Variants in ADK observed in about 807,000 individuals in gnomAD.
The protein encoded by ADK is N6,N6-dimethyladenosine kinase.
A neutral mutation model predicts 44.7 loss-of-function variants in ADK; 24 were observed. The ratio of observed to expected loss-of-function variants is 0.54; its 90% CI spans 0.39 to 0.76. The LOEUF (loss-of-function observed/expected upper bound fraction) is 0.76, where lower values mean the gene tolerates loss of function less well. Among genes scored for constraint, ADK ranks in the 30% least tolerant of loss-of-function variants. The pLI is 0.00. For missense variants in ADK, 321 were observed against 425.1 expected, an observed-to-expected ratio of 0.76 and a Z score of 2.15; for synonymous variants, 128 against 142.6, an observed-to-expected ratio of 0.90 and a Z score of 0.73.
chr10:74,591,120 T>TC (rs1851700847), intron 8 of ADK, among the ~76,000 whole-genome samples: 1 of 152,146 alleles, frequency 6.6e-6, no homozygotes, highest in Admixed American at 6.5e-5. Context: ...TACTTTTATT[T>TC]CCCCCTTGAG....
At chr10:74,399,226 G>T (rs1355356387) in intron 6 of ADK, among the ~76,000 whole-genome samples, 1 of 150,352 alleles carries the variant, frequency 6.7e-6, no homozygotes, top group Non-Finnish European at 1.5e-5. Context: ...TGTTAAATGT[G>T]GCTTTACACA....
intron 4 of ADK, among the ~76,000 whole-genome samples, chr10:74,360,528 C>G (rs1842299773): frequency 6.6e-6 from 1 of 152,084 alleles, no homozygotes; most frequent in East Asian, 1.9e-4. Flanking sequence ...TGCTCTTGCT[C>G]TTATGTATTC....
At chr10:74,523,215 T>G (rs897924638) in intron 6 of ADK, among the ~76,000 whole-genome samples, 6 of 152,192 alleles carry the variant, frequency 3.9e-5, no homozygotes, top group African/African-American at 1.4e-4. Flanking sequence ...GACACAATAA[T>G]TACTCATTAC....
At chr10:74,433,712 T>A (rs533926991) in intron 6 of ADK, among the ~76,000 whole-genome samples, 1 of 152,332 alleles carries the variant, frequency 6.6e-6, no homozygotes, top group Admixed American at 6.5e-5. Flanking sequence ...TATTTACCAA[T>A]GTTTACAGTT....
intron 1 of ADK, among the ~76,000 whole-genome samples, chr10:74,158,184 TA>T (rs890370395): frequency 1.3e-5 from 2 of 151,624 alleles, no homozygotes; most frequent in African/African-American, 2.4e-5. Flanking sequence ...TTATGAGGTT[TA>T]AAAAAAAACT....
chr10:74,382,098 C>T (rs946868556), intron 4 of ADK, among the ~76,000 whole-genome samples: 1 of 151,692 alleles, frequency 6.6e-6, no homozygotes, highest in African/African-American at 2.4e-5. Flanking sequence ...CTTTCCTCAC[C>T]TTCCTTTTTC....
intron 9 of ADK, among the ~76,000 whole-genome samples, chr10:74,640,021 A>G (rs1481270960): frequency 6.6e-6 from 1 of 152,254 alleles, no homozygotes; most frequent in Non-Finnish European, 1.5e-5. Context: ...ACAAACATAT[A>G]CATTCAGCAA....
intron 7 of ADK, among the ~76,000 whole-genome samples, chr10:74,534,770 A>G (rs1223479631): frequency 1.3e-5 from 2 of 152,212 alleles, no homozygotes; most frequent in African/African-American, 4.8e-5. Context: ...CTCTTCATTC[A>G]TTCCTGTTAA....
At chr10:74,292,819 C>T (rs1839668505) in intron 3 of ADK, among the ~76,000 whole-genome samples, 1 of 152,138 alleles carries the variant, frequency 6.6e-6, no homozygotes, top group South Asian at 2.1e-4. Flanking sequence ...CCACCATCAT[C>T]CTTTGCCTAG....
chr10:74,535,577 C>G (rs945890419), intron 7 of ADK, among the ~76,000 whole-genome samples: 2 of 150,158 alleles, frequency 1.3e-5, no homozygotes, highest in African/African-American at 5.0e-5. Context: ...AGGTTTTGAC[C>G]CTATTTTTTT....
chr10:74,454,978 A>T (rs542716719), intron 6 of ADK, among the ~76,000 whole-genome samples: 1 of 152,302 alleles, frequency 6.6e-6, no homozygotes, highest in African/African-American at 2.4e-5. Flanking sequence ...TTCTAGAGAA[A>T]AGGGCAGGGG....
At chr10:74,461,924 CT>C (rs1191605121) in intron 6 of ADK, among the ~76,000 whole-genome samples, 1 of 151,972 alleles carries the variant, frequency 6.6e-6, no homozygotes, top group Non-Finnish European at 1.5e-5. Flanking sequence ...TGAAATTATC[CT>C]GTTGCCTGAA....
At chr10:74,580,574 TAAAA>T (rs11289206) in intron 7 of ADK, among the ~76,000 whole-genome samples, 5 of 134,350 alleles carry the variant, frequency 3.7e-5, no homozygotes, top group Non-Finnish European at 3.3e-5. Flanking sequence ...AAACTCCATC[TAAAA>T]AAAAAAAAAA....
At chr10:74,264,629 G>A (rs1420842867) in intron 3 of ADK, among the ~76,000 whole-genome samples, 1 of 152,078 alleles carries the variant, frequency 6.6e-6, no homozygotes, top group Non-Finnish European at 1.5e-5. Context: ...GTTTTAAAAT[G>A]AAATGTAATC....
In ADK at chr10:74,551,028, A is replaced by G. The variant is rs370402500; in HGVS notation, c.726+25602A>G. On this transcript the variant is annotated intron_variant, in intron 7 of 10. Transcript: ENST00000539909. Reference sequence around the variant, plus strand: ...CAGCTCTGAACTATTTTTTAAGTAAAATTTTTTTTAGATGAAGACAAGCTT... The same window carrying G: ...CAGCTCTGAACTATTTTTTAAGTAAGATTTTTTTTAGATGAAGACAAGCTT... 7.6e-4 allele frequency among the ~76,000 whole-genome samples: 115 copies of G among 152,210 alleles called. 2 individuals carry two copies. The East Asian group carries it at 0.018, about 24-fold the overall frequency.
chr10:74,514,986 T>C (rs1021608819), intron 6 of ADK, among the ~76,000 whole-genome samples: 6 of 152,032 alleles, frequency 3.9e-5, no homozygotes, highest in African/African-American at 1.4e-4. Context: ...CAATATGCCC[T>C]GCTAATTTTT....
At chr10:74,355,553 A>G (rs753425096) in intron 4 of ADK, among the ~76,000 whole-genome samples, 1 of 152,216 alleles carries the variant, frequency 6.6e-6, no homozygotes, top group African/African-American at 2.4e-5. Flanking sequence ...TCTGCTAGAA[A>G]TGTAGTCTGT....
intron 4 of ADK, among the ~76,000 whole-genome samples, chr10:74,329,872 G>A (rs1387192537): frequency 4.6e-5 from 7 of 151,996 alleles, no homozygotes; most frequent in African/African-American, 1.7e-4. Flanking sequence ...GTTCTTTTAA[G>A]AATAATAGGC....
intron 4 of ADK, among the ~76,000 whole-genome samples, chr10:74,384,359 G>T (rs978646659): frequency 1.3e-5 from 2 of 152,094 alleles, no homozygotes; most frequent in African/African-American, 2.4e-5. Context: ...GATACAGTTT[G>T]TTGCGGCAAC....
Sources: gnomAD v4.1 joint callset for allele counts (sites outside exome capture counted in the v4.1 genomes callset) on GRCh38, gnomAD v4.1.1 for gene constraint, MANE v1.5 for transcripts, NCBI Gene and HGNC (gene_info 2026-07-23, HGNC 2026-07-21) for gene names.